Variants in SLC1A1 observed in about 807,000 individuals in gnomAD.
SLC1A1 encodes excitatory amino acid transporter 3.
A neutral mutation model predicts 53.3 loss-of-function variants in SLC1A1; 43 were observed. The observed-to-expected ratio is 0.81, with a 90% CI of 0.63 to 1.04. The LOEUF is 1.04. SLC1A1 is among the 50% of genes least tolerant of loss of function. The pLI is 0.00. For missense variants in SLC1A1, 748 were observed against 664.9 expected (o/e 1.12, Z -1.37); for synonymous variants, 307 against 243.2 (o/e 1.26, Z -2.44).
chr9:4,509,684 A>G (rs1820930744), intron 1 of SLC1A1, among the ~76,000 whole-genome samples: 1 of 152,320 alleles, frequency 6.6e-6, no homozygotes, highest in African/African-American at 2.4e-5. Flanking sequence ...CAGTGCACAG[A>G]GCAGGACAAA....
At chr9:4,546,719 A>G (rs1170889427) in intron 2 of SLC1A1, among the ~76,000 whole-genome samples, 1 of 152,176 alleles carries the variant, frequency 6.6e-6, no homozygotes, top group Non-Finnish European at 1.5e-5. Context: ...CTGGTCTTGA[A>G]TTTCTAGGCT....
At chr9:4,503,444 A>C (rs1471724588) in intron 1 of SLC1A1, among the ~76,000 whole-genome samples, 1 of 151,844 alleles carries the variant, frequency 6.6e-6, no homozygotes, top group Non-Finnish European at 1.5e-5. Context: ...ATACATCCAC[A>C]ATCACTAACA....
intron 1 of SLC1A1, among the ~76,000 whole-genome samples, chr9:4,532,765 A>G (rs1296033210): frequency 1.3e-5 from 2 of 152,286 alleles, no homozygotes; most frequent in East Asian, 3.9e-4. Context: ...TAATTGTCAG[A>G]TTCACCAAAG....
At chr9:4,520,845 C>G (rs112052535) in intron 1 of SLC1A1, among the ~76,000 whole-genome samples, 5 of 152,320 alleles carry the variant, frequency 3.3e-5, no homozygotes, top group African/African-American at 7.2e-5. Flanking sequence ...GCCAAACAGT[C>G]TTCCACAGAG....
chr9:4,500,402 G>A (rs1025281906), intron 1 of SLC1A1, among the ~76,000 whole-genome samples: 2 of 152,146 alleles, frequency 1.3e-5, no homozygotes, highest in African/African-American at 4.8e-5. Context: ...CCACCTCCCA[G>A]GTTCAAACAA....
chr9:4,490,707 G>T lies in SLC1A1; in HGVS notation c.28G>T (p.Glu10Ter). ...GGGGAAACCGGCGAGGAAAGGATGC[G>T]AGTGGAAGCGCTTCCTGAAGAATAA... MGKPARKGC[E>*]WKRFLKNNWV... Residue 10 changes from glutamate to a stop codon, truncating the protein, a stop_gained, in exon 1 of 12, where the codon GAG becomes TAG. Transcript: ENST00000262352. LOFTEE classifies it high-confidence loss of function. 1 of 1,612,874 alleles carries T rather than the reference G, an allele frequency of 6.2e-7. No individual in the cohort carries two copies.
intron 1 of SLC1A1, among the ~76,000 whole-genome samples, chr9:4,520,166 G>A (rs935771911): frequency 1.3e-5 from 2 of 152,018 alleles, no homozygotes; most frequent in African/African-American, 4.8e-5. Context: ...GCTTCATTTG[G>A]GTTTTCAAAT....
chr9:4,502,806 G>A (rs187387860), intron 1 of SLC1A1, among the ~76,000 whole-genome samples: 1 of 151,848 alleles, frequency 6.6e-6, no homozygotes, highest in Admixed American at 6.5e-5. Context: ...CTTGCAAAGT[G>A]GCCAAATAAA....
chr9:4,542,066 C>T (rs930691418), intron 1 of SLC1A1, among the ~76,000 whole-genome samples: 2 of 151,558 alleles, frequency 1.3e-5, no homozygotes, highest in Admixed American at 1.3e-4. Context: ...CATTCACTAG[C>T]CATTTCTTGT....
intron 1 of SLC1A1, among the ~76,000 whole-genome samples, chr9:4,496,667 G>A (rs767280750): frequency 1.3e-5 from 2 of 152,048 alleles, no homozygotes; most frequent in Admixed American, 1.3e-4. Flanking sequence ...GGTGAAGGTG[G>A]GAGGACTGCT....
intron 1 of SLC1A1, among the ~76,000 whole-genome samples, chr9:4,496,799 A>G (rs922498216): frequency 1.1e-4 from 16 of 152,154 alleles, no homozygotes; most frequent in African/African-American, 3.6e-4. Context: ...CAAGAGGCTG[A>G]TGTGGGAAGA....
intron 1 of SLC1A1, among the ~76,000 whole-genome samples, chr9:4,522,252 TGA>T (rs1816104996): frequency 2.0e-5 from 3 of 151,806 alleles, no homozygotes; most frequent in Admixed American, 6.6e-5. Flanking sequence ...GGGGTTTCAC[TGA>T]GTTAGCCAGG....
At chr9:4,577,551 C>G (rs563981646) in intron 10 of SLC1A1, among the ~76,000 whole-genome samples, 2 of 152,284 alleles carry the variant, frequency 1.3e-5, no homozygotes, top group African/African-American at 4.8e-5. Context: ...TCTCGGCTCA[C>G]CACAACCTCC....
chr9:4,540,898 T>G (rs1273597794), intron 1 of SLC1A1, among the ~76,000 whole-genome samples: 1 of 152,232 alleles, frequency 6.6e-6, no homozygotes, highest in Non-Finnish European at 1.5e-5. Context: ...AGACAGCTAA[T>G]CTAACCCTTG....
chr9:4,507,719 G>C (rs985043795), intron 1 of SLC1A1, among the ~76,000 whole-genome samples: 1 of 152,180 alleles, frequency 6.6e-6, no homozygotes, highest in Non-Finnish European at 1.5e-5. Context: ...TTAGCATTCT[G>C]AGTTCAGAGT....
intron 1 of SLC1A1, among the ~76,000 whole-genome samples, chr9:4,508,224 A>G (rs1820868198): frequency 6.6e-6 from 1 of 152,356 alleles, no homozygotes; most frequent in Admixed American, 6.5e-5. Context: ...AGAGGAAAAA[A>G]GTAGAATAAA....
rs1306126844 is a variant in SLC1A1 at position 4,544,611 on chromosome 9, A to G, written c.136A>G (p.Thr46Ala). 2 of 1,613,528 alleles carry G rather than the reference A, an allele frequency of 1.2e-6. No homozygotes were observed. The highest frequency in any genetic ancestry group is 1.7e-6 in the Non-Finnish European group (2 of 1,179,560). Residue 46 changes from threonine to alanine, a missense_variant, in exon 2 of 12, where the codon ACT (threonine) becomes GCT (alanine). By Grantham distance (58) the Thr-to-Ala change is moderately conservative (BLOSUM62 0). Coordinates refer to ENST00000262352, the MANE Select transcript of SLC1A1 (RefSeq NM_004170.6). ...GGTTCGAGAACACAGCAACCTCTCA[A>G]CTCTAGAGAAATTCTACTTTGCTTT... ...VLVREHSNLS[T>A]LEKFYFAFPG...
chr9:4,557,515 G>A (rs1296913813), intron 2 of SLC1A1, among the ~76,000 whole-genome samples: 1 of 152,124 alleles, frequency 6.6e-6, no homozygotes, highest in African/African-American at 2.4e-5. Context: ...GCCAGGTGTG[G>A]TGGCTCACAC....
At position 4,500,861 on chromosome 9, in the gene SLC1A1, G is replaced by T. The variant is rs1012105821; in HGVS notation, c.91+10091G>T. Among the ~76,000 whole-genome samples, 27 of 152,106 alleles carry T rather than the reference G, an allele frequency of 1.8e-4. 1 individual carries two copies. The highest frequency in any genetic ancestry group is 6.5e-4 in the African/African-American group (27 of 41,406). ...CAATAAATAGTCCTATACTTTCTGG[G>T]ATGGACAGATCTCATCCCAGCTCAC... On this transcript the variant is annotated intron_variant, in intron 1 of 11. Transcript: ENST00000262352.
Sources: gnomAD v4.1 joint callset for allele counts (sites outside exome capture counted in the v4.1 genomes callset) on GRCh38, gnomAD v4.1.1 for gene constraint, MANE v1.5 for transcripts, NCBI Gene and HGNC (gene_info 2026-07-23, HGNC 2026-07-21) for gene names.